LRMDA: variants seen among roughly 807,000 people sequenced by gnomAD.
The protein encoded by LRMDA is leucine-rich melanocyte differentiation-associated protein.
LRMDA carries 18 observed loss-of-function variants against 29.8 expected under a neutral mutation model. The ratio of observed to expected loss-of-function variants is 0.60; its 90% CI spans 0.42 to 0.90. The LOEUF (loss-of-function observed/expected upper bound fraction) is 0.90, where lower values mean the gene tolerates loss of function less well. LRMDA is among the 40% of genes least tolerant of loss of function. LRMDA has a pLI of 0.00. For missense variants in LRMDA, 273 were observed against 273.9 expected, an observed-to-expected ratio of 1.00 and a Z score of 0.02; for synonymous variants, 125 against 109.4, an observed-to-expected ratio of 1.14 and a Z score of -0.89.
At chr10:76,123,993 T>A (rs1234597660) in intron 5 of LRMDA, among the ~76,000 whole-genome samples, 1 of 152,180 alleles carries the variant, frequency 6.6e-6, no homozygotes, top group Non-Finnish European at 1.5e-5. Flanking sequence ...CTCCCTGATC[T>A]TTTCTCTCCC....
At chr10:76,407,648 A>G (rs1841916452) in intron 6 of LRMDA, among the ~76,000 whole-genome samples, 1 of 152,218 alleles carries the variant, frequency 6.6e-6, no homozygotes, top group South Asian at 2.1e-4. Flanking sequence ...GGGTTAAGAA[A>G]TATGCACAAG....
chr10:75,558,323 G>T (rs1333003733), intron 2 of LRMDA, among the ~76,000 whole-genome samples: 2 of 152,038 alleles, frequency 1.3e-5, no homozygotes, highest in Admixed American at 1.3e-4. Context: ...CTATTTCCAA[G>T]CACTTTGCCA....
intron 2 of LRMDA, chr10:75,642,918 G>A (rs1480840547): frequency 6.6e-6 from 1 of 152,124 alleles, no homozygotes; most frequent in African/African-American, 2.4e-5. Flanking sequence ...TATTGTGTGG[G>A]TCAGGAATTT....
intron 4 of LRMDA, 52 bp downstream of exon 4, chr10:76,047,355 T>C (rs1257411245): frequency 2.6e-6 from 4 of 1,524,548 alleles, no homozygotes; most frequent in African/African-American, 1.4e-5. Context: ...AGAGAAACTT[T>C]AGGGGATGAT....
At chr10:75,558,946 G>T (rs1840253830) in intron 2 of LRMDA, among the ~76,000 whole-genome samples, 2 of 147,124 alleles carry the variant, frequency 1.4e-5, no homozygotes, top group Non-Finnish European at 3.0e-5. Flanking sequence ...GGACATTTGG[G>T]TTGGTTCCAA....
rs1370292266 is a variant in LRMDA at position 76,501,083 on chromosome 10, A to G, written c.602-56126A>G. On this transcript the variant is annotated intron_variant, in intron 6 of 6. Transcript: ENST00000611255. ...GATCGTTGTTTCCATTTGTATGTCT[A>G]TGTGTACTCAGTTCTTAGCTCCCAC... Among the ~76,000 whole-genome samples the G allele has an allele frequency of 2.7e-5, 2 of 74,216 alleles. 1 individual carries two copies. The highest frequency in any genetic ancestry group is 5.1e-4 in the East Asian group (2 of 3,934). 48.7% of individuals were successfully genotyped at this position (74,216 alleles called of 152,430 possible). A position where few individuals can be genotyped will look rare whatever the true frequency, so the allele number is the denominator to read the frequency against.
In LRMDA at chr10:75,682,889, A is replaced by G. The variant is rs1842041132; in HGVS notation, c.131+244395A>G. On this transcript the variant is annotated intron_variant, in intron 2 of 6. Transcript: ENST00000611255. Reference sequence around the variant, plus strand: ...AAAAATGGAGCAAATGGCTGGAGATAGAGGGCTGCTTTCCCTTTCCATTTG... The same window carrying G: ...AAAAATGGAGCAAATGGCTGGAGATGGAGGGCTGCTTTCCCTTTCCATTTG... Among the ~76,000 whole-genome samples the G allele has an allele frequency of 2.6e-5, 4 of 152,242 alleles. No individual in the cohort carries two copies. The South Asian group carries it at 8.3e-4, about 31-fold the overall frequency.
At chr10:76,139,852 G>A (rs1204598077) in intron 5 of LRMDA, among the ~76,000 whole-genome samples, 1 of 151,992 alleles carries the variant, frequency 6.6e-6, no homozygotes, top group Non-Finnish European at 1.5e-5. Context: ...AGTTTTCTTA[G>A]ACCATATCAG....
chr10:76,178,127 G>A (rs1441912472), intron 5 of LRMDA, among the ~76,000 whole-genome samples: 1 of 152,198 alleles, frequency 6.6e-6, no homozygotes, highest in African/African-American at 2.4e-5. Flanking sequence ...CTCACCAGGG[G>A]AATAGTATTA....
chr10:75,937,046 A>G (rs1350554072), intron 2 of LRMDA, among the ~76,000 whole-genome samples: 1 of 152,166 alleles, frequency 6.6e-6, no homozygotes, highest in African/African-American at 2.4e-5. Context: ...GATGACTCAT[A>G]TAGTTTTTAC....
intron 6 of LRMDA, among the ~76,000 whole-genome samples, chr10:76,326,952 A>G (rs11591225): frequency 0.041 from 6,239 of 152,026 alleles, 236 homozygotes; most frequent in African/African-American, 0.1. Flanking sequence ...TCTTCTTTCT[A>G]TAGGTATGTC....
intron 5 of LRMDA, among the ~76,000 whole-genome samples, chr10:76,122,322 G>A (rs538424325): frequency 2.4e-4 from 36 of 152,004 alleles, no homozygotes; most frequent in African/African-American, 8.4e-4. Flanking sequence ...GTCCAGTCTC[G>A]GTGCCAGCAG....
At chr10:75,616,686 G>A (rs982669327) in intron 2 of LRMDA, among the ~76,000 whole-genome samples, 1 of 152,152 alleles carries the variant, frequency 6.6e-6, no homozygotes, top group Admixed American at 6.5e-5. Flanking sequence ...TTGTGTCTGA[G>A]TTATCTCAAA....
In LRMDA at chr10:76,411,446, C is replaced by A. The variant is rs1589171266; in HGVS notation, c.601+86961C>A. On this transcript the variant is annotated intron_variant, in intron 6 of 6. Coordinates refer to ENST00000611255, the MANE Select transcript of LRMDA (RefSeq NM_001305581.2). ...AATTAGGATGATTATATACACCTTA[C>A]AGCCATGTTTCATGGACTCCCTGGG... is the stretch of plus-strand genomic sequence containing the variant. Among the ~76,000 whole-genome samples the A allele has an allele frequency of 1.3e-5, 2 of 152,300 alleles. 1 individual carries two copies. Among genetic ancestry groups the A allele is most frequent in the Non-Finnish European group, 2.9e-5 (2 of 68,022 alleles).
intron 2 of LRMDA, among the ~76,000 whole-genome samples, chr10:75,452,708 G>C (rs763319791): frequency 2.0e-5 from 3 of 151,430 alleles, no homozygotes; most frequent in Non-Finnish European, 2.9e-5. Context: ...GATTTCACTG[G>C]ATAGGTTTCT....
At chr10:76,538,947 T>A (rs1843322511) in intron 6 of LRMDA, among the ~76,000 whole-genome samples, 1 of 152,186 alleles carries the variant, frequency 6.6e-6, no homozygotes, top group African/African-American at 2.4e-5. Context: ...TCTTTCTTTT[T>A]AGAGGTGGGA....
At chr10:75,604,165 G>C (rs1840924997) in intron 2 of LRMDA, among the ~76,000 whole-genome samples, 1 of 151,922 alleles carries the variant, frequency 6.6e-6, no homozygotes, top group Admixed American at 6.6e-5. Context: ...TTGCAATTTG[G>C]ATTTTATAAG....
intron 2 of LRMDA, among the ~76,000 whole-genome samples, chr10:75,525,773 T>C (rs1198478788): frequency 6.6e-6 from 1 of 151,640 alleles, no homozygotes; most frequent in Admixed American, 6.6e-5. Flanking sequence ...TCAAATCATC[T>C]TCTCTCTTAG....
At chr10:75,653,080 G>C (rs1055388619) in intron 2 of LRMDA, among the ~76,000 whole-genome samples, 1 of 152,172 alleles carries the variant, frequency 6.6e-6, no homozygotes, top group African/African-American at 2.4e-5. Context: ...ACCCACTCTG[G>C]CTTTAATGGA....
Sources: allele counts gnomAD v4.1 joint callset (sites outside exome capture counted in the v4.1 genomes callset), GRCh38; gene constraint gnomAD v4.1.1; transcripts MANE v1.5; gene names NCBI Gene and HGNC (gene_info 2026-07-23, HGNC 2026-07-21).